EPHB1: variants seen among roughly 807,000 people sequenced by gnomAD.
EPHB1 encodes the protein ephrin type-B receptor 1.
In EPHB1, 30 loss-of-function variants were observed where a neutral mutation model predicts 94.4. The observed-to-expected ratio is 0.32, with a 90% CI of 0.24 to 0.43. The LOEUF is 0.43. Among genes scored for constraint, EPHB1 ranks in the 20% least tolerant of loss-of-function variants. The pLI is 1.00. For missense variants in EPHB1, 1,055 were observed against 1,308.3 expected, an observed-to-expected ratio of 0.81 and a Z score of 2.99; for synonymous variants, 522 against 489.1, an observed-to-expected ratio of 1.07 and a Z score of -0.89.
chr3:134,893,807 C>T (rs937228697), intron 1 of EPHB1, among the ~76,000 whole-genome samples: 16 of 152,186 alleles, frequency 1.1e-4, no homozygotes, highest in African/African-American at 3.4e-4. Context: ...CCTGTCTGTC[C>T]CTCCAGACCG....
intron 3 of EPHB1, among the ~76,000 whole-genome samples, chr3:135,060,148 G>A (rs556077941): frequency 6.6e-6 from 1 of 152,270 alleles, no homozygotes; most frequent in South Asian, 2.1e-4. Flanking sequence ...CTTCAACCCC[G>A]AAAGAAAGCC....
In EPHB1 at chr3:135,249,468, G is replaced by C. The variant is rs745652340; in HGVS notation, c.2823G>C (p.Gln941His). Reference protein sequence around the residue: ...SFLTAGFTSLQLVTQMTSEDL... With the variant: ...SFLTAGFTSLHLVTQMTSEDL... Reference sequence around the variant, plus strand: ...TCACTGCTGGCTTCACCTCCCTCCAGCTGGTCACCCAGATGACATCAGAGT... The same window carrying C: ...TCACTGCTGGCTTCACCTCCCTCCACCTGGTCACCCAGATGACATCAGAGT... The change falls in exon 15 of 16, where the codon CAG becomes CAC. Residue 941 changes from glutamine (Q) to histidine (H), a missense_variant. Transcript: ENST00000398015. 2.5e-6 allele frequency: 4 copies of C among 1,613,886 alleles called. No homozygotes were observed. The highest frequency in any genetic ancestry group is 1.1e-5 in the South Asian group (1 of 91,060).
At chr3:134,995,914 T>C (rs1195622874) in intron 3 of EPHB1, among the ~76,000 whole-genome samples, 4 of 149,240 alleles carry the variant, frequency 2.7e-5, no homozygotes, top group Non-Finnish European at 5.9e-5. Flanking sequence ...TATGTAGACA[T>C]AACTACTACT....
intron 11 of EPHB1, among the ~76,000 whole-genome samples, chr3:135,198,822 C>T (rs1942689040): frequency 1.3e-5 from 2 of 152,104 alleles, no homozygotes; most frequent in African/African-American, 4.8e-5. Flanking sequence ...GAAGAACGGA[C>T]ACTATGTTCT....
intron 3 of EPHB1, among the ~76,000 whole-genome samples, chr3:135,007,455 A>G (rs1483762593): frequency 6.6e-6 from 1 of 152,238 alleles, no homozygotes; most frequent in Non-Finnish European, 1.5e-5. Flanking sequence ...GGATTCATGA[A>G]TAAATGAATG....
At chr3:135,012,538 G>A (rs766109449) in intron 3 of EPHB1, among the ~76,000 whole-genome samples, 3 of 152,274 alleles carry the variant, frequency 2.0e-5, no homozygotes, top group Non-Finnish European at 2.9e-5. Context: ...AGACATGACA[G>A]AGGACATAGA....
At chr3:135,055,379 G>A (rs1937319588) in intron 3 of EPHB1, among the ~76,000 whole-genome samples, 1 of 152,206 alleles carries the variant, frequency 6.6e-6, no homozygotes, top group Admixed American at 6.5e-5. Flanking sequence ...GCCCCTGTCT[G>A]TGCTGAGAGC....
intron 5 of EPHB1, among the ~76,000 whole-genome samples, chr3:135,136,315 A>T (rs1037408804): frequency 6.6e-6 from 1 of 152,172 alleles, no homozygotes; most frequent in Non-Finnish European, 1.5e-5. Flanking sequence ...GAGAGCCTTC[A>T]TCTTCTCCCA....
At chr3:134,889,844 A>AT (rs1480589486) in intron 1 of EPHB1, among the ~76,000 whole-genome samples, 2 of 150,632 alleles carry the variant, frequency 1.3e-5, no homozygotes, top group Non-Finnish European at 3.0e-5. Context: ...CACCCGGCTA[A>AT]TTTTTTTGTA....
intron 1 of EPHB1, among the ~76,000 whole-genome samples, chr3:134,816,861 A>G (rs2036283413): frequency 6.6e-6 from 1 of 151,986 alleles, no homozygotes; most frequent in Non-Finnish European, 1.5e-5. Context: ...CAGGCGTCTC[A>G]GTGGTTAGGC....
At chr3:134,991,735 C>T (rs939724670) in intron 3 of EPHB1, among the ~76,000 whole-genome samples, 2 of 152,108 alleles carry the variant, frequency 1.3e-5, no homozygotes, top group African/African-American at 4.8e-5. Flanking sequence ...TGAGGCCTTT[C>T]CAATATTGAT....
chr3:134,906,387 T>TA (rs1352884021), intron 1 of EPHB1, among the ~76,000 whole-genome samples: 2 of 152,230 alleles, frequency 1.3e-5, no homozygotes, highest in African/African-American at 2.4e-5. Context: ...TCTGGTATTC[T>TA]AGAGGTCACA....
At chr3:134,991,141 C>T (rs1484826533) in intron 3 of EPHB1, among the ~76,000 whole-genome samples, 2 of 152,196 alleles carry the variant, frequency 1.3e-5, no homozygotes, top group Admixed American at 6.5e-5. Flanking sequence ...CATTTAAGGG[C>T]AGCTCTGTAC....
intron 9 of EPHB1, among the ~76,000 whole-genome samples, chr3:135,177,178 G>A (rs1242511391): frequency 2.6e-5 from 4 of 152,176 alleles, no homozygotes; most frequent in Admixed American, 2.0e-4. Flanking sequence ...CATGCTAAGA[G>A]GTGTGTGCCG....
intron 1 of EPHB1, among the ~76,000 whole-genome samples, chr3:134,801,438 C>A (rs1005806897): frequency 1.3e-5 from 2 of 152,180 alleles, no homozygotes; most frequent in Non-Finnish European, 2.9e-5. Flanking sequence ...CACACCGAAC[C>A]CTTACCTGTC....
At chr3:135,031,228 C>T (rs9832058) in intron 3 of EPHB1, among the ~76,000 whole-genome samples, 48,569 of 152,046 alleles carry the variant, frequency 0.32, 9,086 homozygotes, top group Non-Finnish European at 0.41. Flanking sequence ...TGTTCCTATT[C>T]GGCCCTCTTG....
intron 1 of EPHB1, among the ~76,000 whole-genome samples, chr3:134,846,437 T>C (rs1465482637): frequency 6.6e-6 from 1 of 152,184 alleles, no homozygotes; most frequent in Non-Finnish European, 1.5e-5. Flanking sequence ...CTTGCATTAT[T>C]CCCTCCACGC....
At position 134,811,256 on chromosome 3, in the gene EPHB1, T is replaced by TGTTTTTG. The variant is rs1560243670; in HGVS notation, c.58+15567_58+15568insGTTTTTG. Among the ~76,000 whole-genome samples, 210 of 134,944 alleles carry TGTTTTTG rather than the reference T, an allele frequency of 1.6e-3. 4 individuals are homozygous for TGTTTTTG. Among genetic ancestry groups the TGTTTTTG allele is most frequent in the Middle Eastern group, 0.011 (3 of 270 alleles). The allele number at this position is 134,944 out of a possible 152,430, so 88.5% of individuals were successfully genotyped here. On this transcript the variant is annotated intron_variant, in intron 1 of 15. Coordinates refer to ENST00000398015, the MANE Select transcript of EPHB1 (RefSeq NM_004441.5). ...CTACTAAGAAGGTTTTTTTTTTTTTTTTTTTTTCTGTCTTGCTCTGTCCCC... is the reference window on the plus strand; with the variant it reads ...CTACTAAGAAGGTTTTTTTTTTTTTTGTTTTTGTTTTTTTCTGTCTTGCTCTGTCCCC...
intron 3 of EPHB1, chr3:134,978,134 C>T: frequency 2.6e-6 from 1 of 387,210 alleles, no homozygotes; most frequent in Non-Finnish European, 5.0e-6. Context: ...TTTCTCCCCT[C>T]AGAAGCCCTC....
Sources: allele counts gnomAD v4.1 joint callset (sites outside exome capture counted in the v4.1 genomes callset), GRCh38; gene constraint gnomAD v4.1.1; transcripts MANE v1.5; gene names NCBI Gene and HGNC (gene_info 2026-07-23, HGNC 2026-07-21).